Variants in ZNF787 observed in about 807,000 individuals in gnomAD.
The protein encoded by ZNF787 is zinc finger protein 787, also known as TTF-I-interacting peptide 20.
Under a neutral mutation model 16.9 loss-of-function variants are expected in ZNF787, and 7 were observed. The observed-to-expected ratio is 0.42, with a 90% confidence interval of 0.24 to 0.78. The LOEUF (loss-of-function observed/expected upper bound fraction) is 0.78, where lower values mean the gene tolerates loss of function less well. Ranked by LOEUF, ZNF787 falls within the 30% of genes least tolerant of loss-of-function variation. The probability of loss-of-function intolerance (pLI) is 0.30; values close to 1 mark genes in which losing one functional copy is unlikely to be tolerated. For missense variants in ZNF787, 551 were observed against 589.3 expected (o/e 0.94, Z 0.67); for synonymous variants, 345 against 270.9 (o/e 1.27, Z -2.69).
rs1307926255 is a variant in ZNF787, at chr19:56,087,988, G to A, written c.*35C>T. On this transcript the variant is annotated 3_prime_UTR_variant, in exon 3 of 3. Transcript: ENST00000610935. ...ACGTCGTCGCTCCCGCCAAGCCCGA[G>A]GGGCCCTGCCCGCCCCCCCCCCCGG... The A allele has an allele frequency of 1.3e-4, 164 of 1,290,526 alleles. No individual in the cohort carries two copies. Among genetic ancestry groups the A allele is most frequent in the Non-Finnish European group, 1.5e-4 (157 of 1,024,648 alleles). 79.9% of individuals were successfully genotyped at this position (1,290,526 alleles called of 1,614,324 possible).
At chr19:56,110,357 G>A (rs942134560) in intron 1 of ZNF787, among the ~76,000 whole-genome samples, 3 of 144,792 alleles carry the variant, frequency 2.1e-5, no homozygotes, top group African/African-American at 2.6e-5. Flanking sequence ...GCGAGACTCC[G>A]TCTCAAAAAA....
intron 2 of ZNF787, among the ~76,000 whole-genome samples, chr19:56,096,214 T>C (rs964207024): frequency 1.9e-5 from 2 of 107,788 alleles, no homozygotes; most frequent in Non-Finnish European, 4.6e-5. Context: ...GGAAACATAG[T>C]GAGACCCCGT....
rs774444323 is a variant in ZNF787 at position 56,089,010 on chromosome 19, G to C, written c.162C>G (p.Ala54=). 2.0e-6 allele frequency: 3 copies of C among 1,488,196 alleles called. No individual in the cohort carries two copies. Among genetic ancestry groups the C allele is most frequent in the Non-Finnish European group, 1.8e-6 (2 of 1,122,078 alleles). 92.2% of individuals were successfully genotyped at this position (1,488,196 alleles called of 1,614,324 possible). The part of the protein sequence containing the change: ...KLSPPQSAPP[A]GPPPRPRPPA... The stretch of plus-strand genomic sequence containing the variant: ...GCGGCCGCGGCCGGGGAGGCGGGCC[G>C]GCTGGGGGCGCAGACTGGGGCGGGG... The change falls in exon 3 of 3, where the codon GCC becomes GCG. Residue 54 remains alanine (A), a synonymous_variant. Coordinates refer to ENST00000610935, the MANE Select transcript of ZNF787 (RefSeq NM_001002836.4).
In ZNF787 at chr19:56,087,735, ACTCG is replaced by A; in HGVS notation, c.*284_*287del. 1 of 275,254 alleles carries A rather than the reference ACTCG, an allele frequency of 3.6e-6. No homozygotes were observed. 17.1% of individuals were successfully genotyped at this position (275,254 alleles called of 1,614,324 possible). A position where few individuals can be genotyped will look rare whatever the true frequency, so the allele number is the denominator to read the frequency against. On this transcript the variant is annotated 3_prime_UTR_variant, in exon 3 of 3. Transcript: ENST00000610935. ...GCCTTCCGCTTGGGGCCTGGTCGCC[ACTCG>A]GCCTCTGCAGTTCTCTCCATTGTCT...
chr19:56,088,253 G>C lies in ZNF787; in HGVS notation c.919C>G (p.Leu307Val), dbSNP rs1362154479. 13 of 1,460,074 alleles carry C rather than the reference G, an allele frequency of 8.9e-6. No individual in the cohort carries two copies. Among genetic ancestry groups the C allele is most frequent in the African/African-American group, 1.5e-5 (1 of 67,202 alleles). 90.4% of individuals were successfully genotyped at this position (1,460,074 alleles called of 1,614,324 possible). The change falls in exon 3 of 3, where the codon CTC becomes GTC. Residue 307 changes from leucine to valine, a missense_variant. Coordinates refer to ENST00000610935, the MANE Select transcript of ZNF787 (RefSeq NM_001002836.4). This position sits in a 1 kb window ranked among gnomAD's most constrained non-coding sequence, Gnocchi z 8.6. ...GGCTCCTCGCCCCCCGCCGCCCCGA[G>C]CCCGTCCCCGTGCTGGGCCCGCTGG... ...AHQRAQHGDG[L>V]GAAGGEEPAH...
At chr19:56,094,885 C>T (rs1235325613) in intron 2 of ZNF787, among the ~76,000 whole-genome samples, 1 of 151,984 alleles carries the variant, frequency 6.6e-6, no homozygotes, top group Non-Finnish European at 1.5e-5. Flanking sequence ...CCGAGGCAGG[C>T]GGATGACCTG....
At position 56,112,428 on chromosome 19, in the gene ZNF787, C is replaced by A. The variant is rs971632551; in HGVS notation, c.-11+8744G>T. On this transcript the variant is annotated intron_variant, in intron 1 of 2. Transcript: ENST00000610935. ...AGCACGGGCAGGGGTGCGTTCCCCTCGCCCCAGCCCTTGAGAGATCCAATT... is the reference window on the plus strand; with the variant it reads ...AGCACGGGCAGGGGTGCGTTCCCCTAGCCCCAGCCCTTGAGAGATCCAATT... 4.9e-4 allele frequency among the ~76,000 whole-genome samples: 74 copies of A among 152,144 alleles called. 1 individual carries two copies. The highest frequency in any genetic ancestry group is 7.4e-5 in the Non-Finnish European group (5 of 68,010).
In ZNF787 at chr19:56,088,643, G is replaced by A. The variant is rs746648164; in HGVS notation, c.529C>T (p.Pro177Ser). 1 of 1,548,350 alleles carries A rather than the reference G, an allele frequency of 6.5e-7. No homozygotes were observed. Among genetic ancestry groups the A allele is most frequent in the Non-Finnish European group, 8.7e-7 (1 of 1,154,798 alleles). The change falls in exon 3 of 3, where the codon CCC becomes TCC. Residue 177 changes from proline (P) to serine (S), a missense_variant. Pro to Ser is a moderately conservative substitution (Grantham distance 74, BLOSUM62 -1). Transcript: ENST00000610935. This position sits in a 1 kb window ranked among gnomAD's most constrained non-coding sequence, Gnocchi z 8.6. ...CGGCCGCAGCGCGGGCACACGAAGG[G>A]CTTGAGGCCGCTGTGCGAGCGCCGG... ...KHRRSHSGLK[P>S]FVCPRCGRGF... is the part of the protein sequence containing the mutation.
chr19:56,105,319 G>C (rs908063936), intron 1 of ZNF787: 11 of 152,012 alleles, frequency 7.2e-5, no homozygotes, highest in African/African-American at 2.4e-4. Context: ...CACATGCTGG[G>C]GTTTCATAAA....
chr19:56,088,320 C>G lies in ZNF787; in HGVS notation c.852G>C (p.Glu284Asp), dbSNP rs2123385190. ...CCCCGTGCCCGAAGCCCTTCCCGCA[C>G]TCCAGACACACGTACGGCTTGGGGG... ...APAPKPYVCL[E>D]CGKGFGHGAG... Residue 284 changes from glutamate to aspartate, a missense_variant, in exon 3 of 3, where the codon GAG becomes GAC. Glu to Asp is a conservative substitution (Grantham distance 45, BLOSUM62 2). Coordinates refer to ENST00000610935, the MANE Select transcript of ZNF787 (RefSeq NM_001002836.4). This position sits in a 1 kb window ranked among gnomAD's most constrained non-coding sequence, Gnocchi z 8.6. The G allele has an allele frequency of 7.7e-7, 1 of 1,306,240 alleles. No individual in the cohort carries two copies. The highest frequency in any genetic ancestry group is 3.6e-5 in the East Asian group (1 of 27,574). 80.9% of individuals were successfully genotyped at this position (1,306,240 alleles called of 1,614,324 possible).
At chr19:56,111,662 G>T (rs539018446) in intron 1 of ZNF787, among the ~76,000 whole-genome samples, 1 of 152,086 alleles carries the variant, frequency 6.6e-6, no homozygotes, top group African/African-American at 2.4e-5. Flanking sequence ...AAGGAACTCC[G>T]CACCGTGGCG....
chr19:56,101,027 C>T (rs1293541542), intron 2 of ZNF787, among the ~76,000 whole-genome samples: 2 of 141,132 alleles, frequency 1.4e-5, no homozygotes, highest in Non-Finnish European at 3.1e-5. Flanking sequence ...CCCCCACCTA[C>T]GAAGTCTGTC....
chr19:56,096,452 T>C (rs976942555), intron 2 of ZNF787, among the ~76,000 whole-genome samples: 1 of 151,270 alleles, frequency 6.6e-6, no homozygotes, highest in African/African-American at 2.4e-5. Context: ...GGGCCGCTCA[T>C]GCCTGTAATC....
chr19:56,096,119 C>A (rs893406907), intron 2 of ZNF787, among the ~76,000 whole-genome samples: 2 of 152,070 alleles, frequency 1.3e-5, no homozygotes, highest in Non-Finnish European at 2.9e-5. Flanking sequence ...TCTGGCCGGG[C>A]ACGGTGGCTC....
At chr19:56,096,466 A>C (rs1985878469) in intron 2 of ZNF787, among the ~76,000 whole-genome samples, 1 of 151,742 alleles carries the variant, frequency 6.6e-6, no homozygotes, top group African/African-American at 2.4e-5. Context: ...TGTAATCACA[A>C]CACTTTGGGA....
chr19:56,103,107 G>C (rs747944867), intron 2 of ZNF787, 32 bp downstream of exon 2: 2 of 1,609,466 alleles, frequency 1.2e-6, no homozygotes, highest in Non-Finnish European at 1.7e-6. Flanking sequence ...GGGAGGCAGC[G>C]GGGTCGGCTG....
chr19:56,097,681 G>T lies in ZNF787; in HGVS notation c.79+5458C>A, dbSNP rs531453723. 3.8e-4 allele frequency among the ~76,000 whole-genome samples: 58 copies of T among 152,370 alleles called. 1 individual carries two copies. The highest frequency in any genetic ancestry group is 3.3e-3 in the Admixed American group (51 of 15,306). The stretch of plus-strand genomic sequence containing the variant: ...TTTCTTTTTATCTGGCTGTGTTCCT[G>T]CGTGCAGGCACGGCGCGAGGGATCA... On this transcript the variant is annotated intron_variant, in intron 2 of 2. Transcript: ENST00000610935.
chr19:56,106,029 C>G lies in ZNF787; in HGVS notation c.-10-2802G>C, dbSNP rs540329718. 2.8e-3 allele frequency among the ~76,000 whole-genome samples: 399 copies of G among 143,762 alleles called. 20 individuals carry two copies. Among genetic ancestry groups the G allele is most frequent in the African/African-American group, 0.01 (379 of 36,412 alleles). The allele number at this position is 143,762 out of a possible 152,430, so 94.3% of individuals were successfully genotyped here. On this transcript the variant is annotated intron_variant, in intron 1 of 2. Coordinates refer to ENST00000610935, the MANE Select transcript of ZNF787 (RefSeq NM_001002836.4). ...GTCACCGCGCATTCCGCATTCCCCC[C>G]TCCGCGCCCACGGCAGTCACCGCGC...
chr19:56,112,626 G>A (rs2030013394), intron 1 of ZNF787, among the ~76,000 whole-genome samples: 1 of 149,002 alleles, frequency 6.7e-6, no homozygotes, highest in African/African-American at 2.5e-5. Flanking sequence ...AACTTCTCTG[G>A]CACCCACCTG....
Sources: gnomAD v4.1 joint callset for allele counts (sites outside exome capture counted in the v4.1 genomes callset) on GRCh38, gnomAD v4.1.1 for gene constraint, Gnocchi (gnomAD v3.1) non-coding constraint, MANE v1.5 for transcripts, NCBI Gene and HGNC (gene_info 2026-07-23, HGNC 2026-07-21) for gene names.